The following NCAPG variants were observed in gnomAD, a reference collection of about 807,000 sequenced individuals.
NCAPG encodes the protein condensin complex subunit 3.
A neutral mutation model predicts 113.1 loss-of-function variants in NCAPG; 69 were observed. The ratio of observed to expected loss-of-function variants is 0.61; its 90% CI spans 0.50 to 0.75. The LOEUF is 0.75. Ranked by LOEUF, NCAPG falls within the 30% of genes least tolerant of loss-of-function variation. NCAPG has a pLI of 0.00. For synonymous variants in NCAPG, 370 were observed against 415.8 expected, an observed-to-expected ratio of 0.89 and a Z score of 1.34; for missense variants, 1,058 against 1,177.0, an observed-to-expected ratio of 0.90 and a Z score of 1.48.
chr4:17,838,510 G>A (rs755139017), intron 16 of NCAPG, among the ~76,000 whole-genome samples: 1 of 152,226 alleles, frequency 6.6e-6, no homozygotes, highest in Non-Finnish European at 1.5e-5. Flanking sequence ...CAAGAGTCAT[G>A]TGGTAGGAAT....
chr4:17,829,750 G>T (rs573206204), intron 12 of NCAPG, among the ~76,000 whole-genome samples: 1 of 152,272 alleles, frequency 6.6e-6, no homozygotes, highest in South Asian at 2.1e-4. Context: ...ATTATTCATT[G>T]AGCAAATATT....
rs757949545 is a variant in NCAPG at position 17,834,366 on chromosome 4, C to T, written c.1952C>T (p.Thr651Met). 5.0e-6 allele frequency: 8 copies of T among 1,607,570 alleles called. No individual in the cohort carries two copies. The highest frequency in any genetic ancestry group is 4.5e-5 in the East Asian group (2 of 44,464). ...AAGGCAATCTTTGACCAACTGATGACGTTCGGGATTGAACCATTTAAAACT... is the reference window on the plus strand; with the variant it reads ...AAGGCAATCTTTGACCAACTGATGATGTTCGGGATTGAACCATTTAAAACT... ...ALKAIFDQLMTFGIEPFKTKK... is the reference protein window; with the variant it reads ...ALKAIFDQLMMFGIEPFKTKK... Residue 651 changes from threonine (T) to methionine (M), a missense_variant, in exon 14 of 21, where the codon ACG (threonine) becomes ATG (methionine). Transcript: ENST00000251496.
intron 18 of NCAPG, 80 bp downstream of exon 18, chr4:17,840,289 CTAACA>C (rs1722300656): frequency 7.2e-6 from 10 of 1,387,496 alleles, no homozygotes; most frequent in Non-Finnish European, 9.5e-6. Flanking sequence ...TTTTTCTACT[CTAACA>C]TGTTTGGTTG....
intron 6 of NCAPG, 89 bp downstream of exon 6, chr4:17,817,542 A>G (rs1392988604): frequency 6.0e-6 from 6 of 991,874 alleles, no homozygotes; most frequent in Non-Finnish European, 9.0e-6. Context: ...TTAAGATTAT[A>G]TTAATACCTT....
chr4:17,818,044 G>A lies in NCAPG; in HGVS notation c.1074G>A (p.Glu358=), dbSNP rs781098391. The A allele has an allele frequency of 1.2e-6, 2 of 1,613,228 alleles. No individual in the cohort carries two copies. Among genetic ancestry groups the A allele is most frequent in the Non-Finnish European group, 1.7e-6 (2 of 1,179,708 alleles). Residue 358 remains glutamate (E), a synonymous_variant, in exon 7 of 21, where the codon GAG becomes GAA. Transcript: ENST00000251496. The part of the protein sequence containing the change: ...SKGDEGEEFL[E]QILPEPVVYA... The stretch of plus-strand genomic sequence containing the variant: ...GAGATGAAGGTGAAGAATTTTTAGA[G>A]CAGATTTTGCCAGAGCCTGTAGTAT...
intron 19 of NCAPG, chr4:17,841,771 T>G (rs1192352488): frequency 5.3e-5 from 8 of 152,238 alleles, no homozygotes; most frequent in African/African-American, 1.9e-4. Flanking sequence ...CCCCAGTATA[T>G]AAAGGTTCTA....
In NCAPG at chr4:17,825,380, AGATGGCT is replaced by A; in HGVS notation, c.1475_1481del (p.Met492LysfsTer2). The A allele has an allele frequency of 6.3e-7, 1 of 1,580,910 alleles. No individual in the cohort carries two copies. Among genetic ancestry groups the A allele is most frequent in the Non-Finnish European group, 8.5e-7 (1 of 1,171,078 alleles). On this transcript the variant is annotated splice_acceptor_variant and coding_sequence_variant, in exon 11 of 21. Coordinates refer to ENST00000251496, the MANE Select transcript of NCAPG (RefSeq NM_022346.5). LOFTEE classifies it high-confidence loss of function. The stretch of plus-strand genomic sequence containing the variant: ...GTTGAAACAATTTATATCTTCCCTT[AGATGGCT>A]GAAATAAAAGTTAAGCTTATCGAAG...
intron 18 of NCAPG, 62 bp from the exon 19 acceptor site, chr4:17,840,545 G>A (rs1281793613): frequency 9.8e-7 from 1 of 1,024,594 alleles, no homozygotes; most frequent in Non-Finnish European, 1.3e-6. Context: ...GTCTTAAAAA[G>A]ACAATTTAAA....
rs189989072 is a variant in NCAPG, at chr4:17,819,538, A to T, written c.1118+1450A>T. ...TGCCTCAGCCTCCTGAGTAGCTGGG[A>T]CTACAGGCACGCGCCTCCATGCCCA... On this transcript the variant is annotated intron_variant, in intron 7 of 20. Transcript: ENST00000251496. Among the ~76,000 whole-genome samples, 777 of 151,950 alleles carry T rather than the reference A, an allele frequency of 5.1e-3. 4 individuals carry two copies. Among genetic ancestry groups the T allele is most frequent in the Non-Finnish European group, 9.3e-3 (630 of 67,978 alleles).
intron 3 of NCAPG, 65 bp downstream of exon 3, chr4:17,813,210 A>G (rs1156296279): frequency 7.7e-7 from 1 of 1,304,358 alleles, no homozygotes; most frequent in Non-Finnish European, 1.1e-6. Context: ...AGTATTTGAA[A>G]TTTTTTATTA....
chr4:17,835,756 C>T lies in NCAPG; in HGVS notation c.2109+1233C>T, dbSNP rs1420970153. Among the ~76,000 whole-genome samples the T allele has an allele frequency of 2.6e-5, 4 of 152,158 alleles. No individual in the cohort carries two copies. In the East Asian group the frequency reaches 7.7e-4, roughly 29 times the overall value. ...CCTCTGTTTAGCTTTTTAAATTTAG[C>T]ATAACATTTTCGAGATTCATCCACA... On this transcript the variant is annotated intron_variant, in intron 14 of 20. Coordinates refer to ENST00000251496, the MANE Select transcript of NCAPG (RefSeq NM_022346.5).
In NCAPG at chr4:17,840,110, A is replaced by T; in HGVS notation, c.2668A>T (p.Ile890Phe). ...DRTCLRALEK[I>F]KIQLEKGNKE... ...GACATGTCTGAGAGCTTTGGAGAAA[A>T]TCAAGATTCAGTTAGAAAAAGGAAA... Residue 890 changes from isoleucine (I) to phenylalanine (F), a missense_variant, in exon 18 of 21, where the codon ATC (isoleucine) becomes TTC (phenylalanine). Ile to Phe is a conservative substitution (Grantham distance 21). Transcript: ENST00000251496. The T allele has an allele frequency of 6.2e-7, 1 of 1,611,956 alleles. No individual in the cohort carries two copies. Among genetic ancestry groups the T allele is most frequent in the Non-Finnish European group, 8.5e-7 (1 of 1,179,058 alleles).
At chr4:17,834,216 C>A in intron 13 of NCAPG, 83 bp from the exon 14 acceptor site, 3 of 882,250 alleles carry the variant, frequency 3.4e-6, no homozygotes, top group Admixed American at 3.5e-5. Context: ...AAGAAAAAAA[C>A]AAGATACATA....
intron 15 of NCAPG, 46 bp from the exon 16 acceptor site, chr4:17,837,581 A>G (rs1262823993): frequency 1.3e-6 from 2 of 1,556,284 alleles, no homozygotes; most frequent in Admixed American, 3.9e-5. Flanking sequence ...TTTTTCTCTC[A>G]TCAAATAATG....
intron 13 of NCAPG, among the ~76,000 whole-genome samples, chr4:17,833,175 G>A (rs1387810017): frequency 7.9e-5 from 12 of 151,962 alleles, no homozygotes. Context: ...TTTGAGACCA[G>A]GTTGACCAAT....
At position 17,844,386 on chromosome 4, in the gene NCAPG, GCTT is replaced by G. The variant is rs1215313447; in HGVS notation, c.*962_*964del. 8 of 152,358 alleles carry G rather than the reference GCTT, an allele frequency of 5.3e-5. No individual in the cohort carries two copies. The East Asian group carries it at 1.4e-3, about 26-fold the overall frequency. 9.4% of individuals were successfully genotyped at this position (152,358 alleles called of 1,614,324 possible). ...TGGATCTGTTTGTTTTAATAATTGTGCTTTTTTTAGGCTTATCATCTACTAGAG... is the reference window on the plus strand; with the variant it reads ...TGGATCTGTTTGTTTTAATAATTGTGTTTTTAGGCTTATCATCTACTAGAG... On this transcript the variant is annotated 3_prime_UTR_variant, in exon 21 of 21. Coordinates refer to ENST00000251496, the MANE Select transcript of NCAPG (RefSeq NM_022346.5).
intron 5 of NCAPG, among the ~76,000 whole-genome samples, chr4:17,816,224 C>A (rs543591783): frequency 6.6e-6 from 1 of 152,124 alleles, no homozygotes; most frequent in South Asian, 2.1e-4. Context: ...TCATAAGGAG[C>A]GTGCAACCTG....
At chr4:17,825,843 T>G (rs1298822645) in intron 11 of NCAPG, among the ~76,000 whole-genome samples, 2 of 152,078 alleles carry the variant, frequency 1.3e-5, no homozygotes, top group East Asian at 3.8e-4. Flanking sequence ...TTTCCAGTGG[T>G]TCACATCTGA....
At chr4:17,834,837 T>A (rs1392252024) in intron 14 of NCAPG, among the ~76,000 whole-genome samples, 2 of 152,218 alleles carry the variant, frequency 1.3e-5, no homozygotes, top group African/African-American at 4.8e-5. Context: ...ATAGACATTT[T>A]TTATTTTACT....
Sources: gnomAD v4.1 joint callset for allele counts (sites outside exome capture counted in the v4.1 genomes callset) on GRCh38, gnomAD v4.1.1 for gene constraint, MANE v1.5 for transcripts, NCBI Gene and HGNC (gene_info 2026-07-23, HGNC 2026-07-21) for gene names.